Variants in CELF2 observed in about 807,000 individuals in gnomAD.
The protein encoded by CELF2 is CUG triplet repeat RNA-binding protein 2.
In CELF2, 8 loss-of-function variants were observed where a neutral mutation model predicts 62.6. The ratio of observed to expected loss-of-function variants is 0.13; its 90% CI spans 0.07 to 0.23. The LOEUF is 0.23. CELF2 is among the 10% of genes least tolerant of loss of function. CELF2 has a pLI of 1.00. For synonymous variants in CELF2, 258 were observed against 250.0 expected, an observed-to-expected ratio of 1.03 and a Z score of -0.30; for missense variants, 333 against 671.0, an observed-to-expected ratio of 0.50 and a Z score of 5.56.
At chr10:10,618,484 G>T in the CELF2 span, among the ~76,000 whole-genome samples, 6 of 152,026 alleles carry the variant, frequency 3.9e-5, no homozygotes, top group African/African-American at 1.5e-4. Context: ...TCATCCAGGA[G>T]GCCAACTCCA....
chr10:11,313,213 T>C (rs982576493), intron 9 of CELF2, among the ~76,000 whole-genome samples: 8 of 152,210 alleles, frequency 5.3e-5, no homozygotes, highest in African/African-American at 1.9e-4. Flanking sequence ...AAAAGGTTTA[T>C]TTCACCAGAA....
At position 11,319,022 on chromosome 10, in the gene CELF2, TCTGG is replaced by T; in HGVS notation, c.1097-2165_1097-2162del. The T allele has an allele frequency of 2.1e-6, 1 of 471,050 alleles. No individual in the cohort carries two copies. The allele number at this position is 471,050 out of a possible 1,614,324, so 29.2% of individuals were successfully genotyped here. A position where few individuals can be genotyped will look rare whatever the true frequency, so the allele number is the denominator to read the frequency against. On this transcript the variant is annotated intron_variant, in intron 10 of 12. Coordinates refer to ENST00000633077, the MANE Select transcript of CELF2 (RefSeq NM_001326342.2). The surrounding 1 kb of genome is among the most constrained non-coding windows in gnomAD (Gnocchi z 4.4). Reference sequence around the variant, plus strand: ...AGCTGCTGTCTTCAGCCCGTCCTCGTCTGGCAGCAAGGCCCCACATGGCTCTGCA... The same window carrying T: ...AGCTGCTGTCTTCAGCCCGTCCTCGTCAGCAAGGCCCCACATGGCTCTGCA...
intron 8 of CELF2, among the ~76,000 whole-genome samples, chr10:11,283,876 GAT>G (rs2089971416): frequency 6.6e-6 from 1 of 151,602 alleles, no homozygotes; most frequent in South Asian, 2.1e-4. Context: ...GTGGATGATG[GAT>G]GGAGGGGTGG....
At chr10:11,275,968 A>G (rs1039512663) in intron 8 of CELF2, among the ~76,000 whole-genome samples, 10 of 152,192 alleles carry the variant, frequency 6.6e-5, no homozygotes, top group Non-Finnish European at 1.3e-4. Flanking sequence ...AGCAAGGAGA[A>G]CAGGTTTTTG....
In CELF2 at chr10:11,259,701, A is replaced by G. The variant is rs556775072; in HGVS notation, c.538+1829A>G. On this transcript the variant is annotated intron_variant, in intron 5 of 12. Coordinates refer to ENST00000633077, the MANE Select transcript of CELF2 (RefSeq NM_001326342.2). ...CAAACAGCCTCACCAGCCAAGGGAT[A>G]CTAGCATGCCTTCCTAGGGGCTCAA... Among the ~76,000 whole-genome samples, 219 of 152,302 alleles carry G rather than the reference A, an allele frequency of 1.4e-3. 2 individuals carry two copies. Among genetic ancestry groups the G allele is most frequent in the Middle Eastern group, 0.01 (3 of 294 alleles).
At chr10:10,736,114 T>G in the CELF2 span, among the ~76,000 whole-genome samples, 1 of 152,216 alleles carries the variant, frequency 6.6e-6, no homozygotes, top group African/African-American at 2.4e-5. Context: ...CAAATTAGAA[T>G]TTATTTTTCA....
At chr10:11,033,225 T>G (rs2060408956) in intron 1 of CELF2, among the ~76,000 whole-genome samples, 1 of 151,744 alleles carries the variant, frequency 6.6e-6, no homozygotes, top group Non-Finnish European at 1.5e-5. Context: ...ATTCTTTCTG[T>G]GAATCACAAA....
chr10:11,275,627 C>A (rs2765983), intron 8 of CELF2, among the ~76,000 whole-genome samples: 1 of 152,102 alleles, frequency 6.6e-6, no homozygotes, highest in Non-Finnish European at 1.5e-5. Flanking sequence ...GCCTTTTTAC[C>A]GTAGTGCCCC....
At chr10:10,912,495 G>A (rs914863208) in intron 1 of CELF2, among the ~76,000 whole-genome samples, 5 of 151,772 alleles carry the variant, frequency 3.3e-5, no homozygotes, top group Admixed American at 1.3e-4. Flanking sequence ...TCAGCCTCCC[G>A]AGTAGCTGGG....
upstream of CELF2, among the ~76,000 whole-genome samples, chr10:11,014,261 G>T (rs1387954725): frequency 6.6e-6 from 1 of 152,190 alleles, no homozygotes; most frequent in Non-Finnish European, 1.5e-5. Context: ...TGAGTTGACT[G>T]AACAATGCTA....
At chr10:11,124,138 CA>C (rs1442667279) in intron 1 of CELF2, among the ~76,000 whole-genome samples, 8 of 152,280 alleles carry the variant, frequency 5.3e-5, no homozygotes, top group African/African-American at 1.9e-4. Flanking sequence ...CCCCATGATT[CA>C]TTTATTGCCA....
At chr10:11,176,590 AAATGTTG>A (rs889600827) in intron 2 of CELF2, among the ~76,000 whole-genome samples, 4 of 152,204 alleles carry the variant, frequency 2.6e-5, no homozygotes, top group Admixed American at 2.6e-4. Flanking sequence ...ATTGCTTATA[AAATGTTG>A]AATGTAAGTT....
At chr10:10,696,838 G>A in the CELF2 span, among the ~76,000 whole-genome samples, 4 of 152,156 alleles carry the variant, frequency 2.6e-5, no homozygotes, top group Non-Finnish European at 5.9e-5. Context: ...GCCCTGCTTC[G>A]GCTAGCGCAC....
the CELF2 span, among the ~76,000 whole-genome samples, chr10:10,717,391 T>C: frequency 3.3e-5 from 5 of 152,026 alleles, no homozygotes; most frequent in South Asian, 2.1e-4. Flanking sequence ...AAAAAAAAAG[T>C]ATCTTAGTCA....
chr10:11,064,041 G>A (rs1047418520), intron 1 of CELF2, among the ~76,000 whole-genome samples: 2 of 152,196 alleles, frequency 1.3e-5, no homozygotes, highest in Non-Finnish European at 2.9e-5. Flanking sequence ...GATACTTTAA[G>A]GGTCTGCTGC....
chr10:10,482,236 G>T, the CELF2 span, among the ~76,000 whole-genome samples: 1 of 152,282 alleles, frequency 6.6e-6, no homozygotes, highest in South Asian at 2.1e-4. Flanking sequence ...AATGCATATG[G>T]TATGTTTTTT....
Position 11,147,549 on chromosome 10 carries a change from C to T in CELF2, c.75-17937C>T, listed in dbSNP as rs1490208289. Among the ~76,000 whole-genome samples, 4 of 152,270 alleles carry T rather than the reference C, an allele frequency of 2.6e-5. No individual in the cohort carries two copies. The South Asian group carries it at 8.3e-4, about 32-fold the overall frequency. On this transcript the variant is annotated intron_variant, in intron 1 of 12. Coordinates refer to ENST00000633077, the MANE Select transcript of CELF2 (RefSeq NM_001326342.2). ...AAAATGCATGTGCAAAGCTTGTCCCCATAAGCTTTTTGGAGTGTGGCTTTT... is the reference window on the plus strand; with the variant it reads ...AAAATGCATGTGCAAAGCTTGTCCCTATAAGCTTTTTGGAGTGTGGCTTTT...
rs1168025045 is a variant in CELF2, at chr10:11,269,649, AAGG to A, written c.619-1011_619-1009del. On this transcript the variant is annotated intron_variant, in intron 6 of 12. Coordinates refer to ENST00000633077, the MANE Select transcript of CELF2 (RefSeq NM_001326342.2). The surrounding 1 kb of genome is among the most constrained non-coding windows in gnomAD (Gnocchi z 4.4). ...ATGAAACGTGTAGGCAAGCCACACA[AAGG>A]AGGAGAAGAGGCTGGGGAAGGAGGG... Among the ~76,000 whole-genome samples, 1 of 151,594 alleles carries A rather than the reference AAGG, an allele frequency of 6.6e-6. No homozygotes were observed. The highest frequency in any genetic ancestry group is 1.5e-5 in the Non-Finnish European group (1 of 67,936).
intron 1 of CELF2, among the ~76,000 whole-genome samples, chr10:11,064,151 A>T (rs563195557): frequency 6.6e-6 from 1 of 152,328 alleles, no homozygotes; most frequent in East Asian, 1.9e-4. Flanking sequence ...GTCTTCTCGA[A>T]GTCTAAATGC....
Sources: gnomAD v4.1 joint callset for allele counts (sites outside exome capture counted in the v4.1 genomes callset) on GRCh38, gnomAD v4.1.1 for gene constraint, Gnocchi (gnomAD v3.1) non-coding constraint, MANE v1.5 for transcripts, NCBI Gene and HGNC (gene_info 2026-07-23, HGNC 2026-07-21) for gene names.